The following NME8 variants were observed in gnomAD, a reference collection of about 807,000 sequenced individuals.
NME8 encodes the protein NME/NM23 family member 8, also known as protein NME8.
A neutral mutation model predicts 82.3 loss-of-function variants in NME8; 72 were observed. The ratio of observed to expected loss-of-function variants is 0.87; its 90% CI spans 0.72 to 1.06. The LOEUF (loss-of-function observed/expected upper bound fraction) is 1.06, where lower values mean the gene tolerates loss of function less well. Ranked by LOEUF, NME8 falls within the 50% of genes least tolerant of loss-of-function variation. The pLI is 0.00. For synonymous variants in NME8, 267 were observed against 228.5 expected (o/e 1.17, Z -1.52); for missense variants, 712 against 685.4 (o/e 1.04, Z -0.43).
intron 14 of NME8, among the ~76,000 whole-genome samples, chr7:37,885,659 G>A (rs1348615053): frequency 1.3e-5 from 2 of 152,126 alleles, no homozygotes; most frequent in Non-Finnish European, 2.9e-5. Context: ...AATTCAGGGG[G>A]AACATTTATT....
chr7:37,850,888 C>G (rs1469596479), intron 5 of NME8, among the ~76,000 whole-genome samples, 153 bp downstream of exon 5: 1 of 152,050 alleles, frequency 6.6e-6, no homozygotes, highest in Non-Finnish European at 1.5e-5. Context: ...ATATTTAATT[C>G]TACTAGATCT....
At chr7:37,879,571 C>A (rs1784911252) in intron 12 of NME8, among the ~76,000 whole-genome samples, 1 of 152,170 alleles carries the variant, frequency 6.6e-6, no homozygotes, top group African/African-American at 2.4e-5. Context: ...TGTATGTATG[C>A]AACTAAGTTT....
chr7:37,875,690 C>G (rs946316649), intron 11 of NME8, among the ~76,000 whole-genome samples: 4 of 150,806 alleles, frequency 2.7e-5, no homozygotes, highest in Non-Finnish European at 4.4e-5. Flanking sequence ...AGTATTAACA[C>G]TGATCATTAA....
Position 37,885,619 on chromosome 7 carries a change from C to A in NME8, c.1247+367C>A, listed in dbSNP as rs559549637. 3.9e-5 allele frequency among the ~76,000 whole-genome samples: 6 copies of A among 152,264 alleles called. No homozygotes were observed. In the South Asian group the frequency reaches 1.0e-3, roughly 26 times the overall value. ...CTTTAACTGATCATGAGTTTTAAGA[C>A]AATGATGACTAATTGAATATGTACT... On this transcript the variant is annotated intron_variant, in intron 14 of 17. Coordinates refer to ENST00000199447, the MANE Select transcript of NME8 (RefSeq NM_016616.5).
rs2598033 is a variant in NME8, at chr7:37,857,594, T to C, written c.270+249T>C. Among the ~76,000 whole-genome samples the C allele has an allele frequency of 0.24, 36,626 of 152,114 alleles. 4,409 individuals are homozygous for C. Among genetic ancestry groups the C allele is most frequent in the Middle Eastern group, 0.27 (78 of 294 alleles). ...AAAGTAAGATGGCGTTTATCTTTAC[T>C]AAGGAAATGATCGGAGATTTGCACA... On this transcript the variant is annotated intron_variant, in intron 6 of 17. Coordinates refer to ENST00000199447, the MANE Select transcript of NME8 (RefSeq NM_016616.5).
At chr7:37,868,183 G>T (rs1784719036) in intron 11 of NME8, among the ~76,000 whole-genome samples, 1 of 152,178 alleles carries the variant, frequency 6.6e-6, no homozygotes, top group East Asian at 1.9e-4. Flanking sequence ...AAAGAGCACT[G>T]CAGAAGAGTG....
At chr7:37,893,107 C>T (rs1785157275) in intron 15 of NME8, among the ~76,000 whole-genome samples, 1 of 152,006 alleles carries the variant, frequency 6.6e-6, no homozygotes, top group South Asian at 2.1e-4. Flanking sequence ...AGGGCCTTTG[C>T]AGGGGGTGAA....
chr7:37,896,941 C>T lies in NME8; in HGVS notation c.1616C>T (p.Thr539Ile), dbSNP rs749036569. The T allele has an allele frequency of 3.7e-6, 6 of 1,613,838 alleles. No individual in the cohort carries two copies. The highest frequency in any genetic ancestry group is 2.2e-5 in the East Asian group (1 of 44,856). The change falls in exon 17 of 18, where the codon ACA becomes ATA. Residue 539 changes from threonine (T) to isoleucine (I), a missense_variant. Thr to Ile is a moderately conservative substitution (Grantham distance 89). Coordinates refer to ENST00000199447, the MANE Select transcript of NME8 (RefSeq NM_016616.5). ...GAATGGAGACGATTGATGGGCCCAA[C>T]AGACCCAGAAGAAGCAAAATTACTT... is the stretch of plus-strand genomic sequence containing the variant. Reference protein sequence around the residue: ...VAEWRRLMGPTDPEEAKLLSP... With the variant: ...VAEWRRLMGPIDPEEAKLLSP...
At chr7:37,885,105 A>G (rs1338048338) in intron 13 of NME8, 40 bp from the exon 14 acceptor site, 1 of 1,311,592 alleles carries the variant, frequency 7.6e-7, no homozygotes. Context: ...CTACTGAGCT[A>G]CACTTCTTAT....
chr7:37,855,733 C>T (rs983002214), intron 5 of NME8, among the ~76,000 whole-genome samples: 3 of 152,110 alleles, frequency 2.0e-5, no homozygotes, highest in Non-Finnish European at 4.4e-5. Flanking sequence ...TTAGATCCCT[C>T]GCTTACTTTT....
rs775252032 is a variant in NME8, at chr7:37,876,958, A to G, written c.945A>G (p.Leu315=). Residue 315 remains leucine, a synonymous_variant, in exon 12 of 18, where the codon TTA becomes TTG. Coordinates refer to ENST00000199447, the MANE Select transcript of NME8 (RefSeq NM_016616.5). ...PDFKKMKSMK[L]EKTLALLRPN... is the part of the protein sequence containing the mutation. ...TTAAAAAAATGAAAAGCATGAAATT[A>G]GAAAAGACATTGGCATTACTTCGAC... 1.2e-6 allele frequency: 2 copies of G among 1,613,392 alleles called. No individual in the cohort carries two copies. Among genetic ancestry groups the G allele is most frequent in the South Asian group, 1.1e-5 (1 of 91,070 alleles).
At chr7:37,874,081 A>G (rs1383591961) in intron 11 of NME8, among the ~76,000 whole-genome samples, 2 of 152,206 alleles carry the variant, frequency 1.3e-5, no homozygotes, top group African/African-American at 4.8e-5. Context: ...CTTCAAGGAC[A>G]TACTTAGCAA....
At position 37,868,971 on chromosome 7, in the gene NME8, G is replaced by A. The variant is rs143035198; in HGVS notation, c.818+1073G>A. ...GAGAGTGTAACAAAGCAGTTGTCAG[G>A]CTGCACCGGAAAGAAAGTCAGGTGA... On this transcript the variant is annotated intron_variant, in intron 11 of 17. Transcript: ENST00000199447. Among the ~76,000 whole-genome samples, 322 of 152,284 alleles carry A rather than the reference G, an allele frequency of 2.1e-3. 2 individuals are homozygous for A. Among genetic ancestry groups the A allele is most frequent in the African/African-American group, 7.4e-3 (309 of 41,540 alleles).
At position 37,867,873 on chromosome 7, in the gene NME8, G is replaced by T. The variant is rs191578224; in HGVS notation, c.793G>T (p.Gly265Ter). Residue 265 changes from glycine to a stop codon, truncating the protein, a stop_gained, in exon 11 of 18, where the codon GGA (glycine) becomes TGA (stop). Transcript: ENST00000199447. LOFTEE classifies it high-confidence loss of function. ...QPEVEAQVTP[G>*]MMKNKQDSLQ... ...TGAGGTCGAAGCCCAGGTTACACCT[G>T]GAATGATGAAGAACAAACAAGACAG... 56 of 1,613,698 alleles carry T rather than the reference G, an allele frequency of 3.5e-5. 1 individual carries two copies. The East Asian group carries it at 1.2e-3, about 34-fold the overall frequency.
At chr7:37,892,917 C>G (rs1398209501) in intron 15 of NME8, among the ~76,000 whole-genome samples, 1 of 151,830 alleles carries the variant, frequency 6.6e-6, no homozygotes, top group Admixed American at 6.6e-5. Context: ...TCCTCTTTCT[C>G]TTTCTTTTAT....
intron 12 of NME8, 112 bp downstream of exon 12, chr7:37,877,119 G>A (rs930985723): frequency 1.2e-5 from 10 of 851,344 alleles, no homozygotes; most frequent in East Asian, 5.3e-5. Flanking sequence ...TGAAGAAAAC[G>A]CACCTTAAGA....
intron 16 of NME8, among the ~76,000 whole-genome samples, chr7:37,894,811 C>A (rs1236941278): frequency 6.6e-6 from 1 of 151,950 alleles, no homozygotes; most frequent in Non-Finnish European, 1.5e-5. Flanking sequence ...TTCTGTCTCT[C>A]CTCGCTCCCT....
chr7:37,869,239 G>A (rs943153133), intron 11 of NME8, among the ~76,000 whole-genome samples: 2 of 152,102 alleles, frequency 1.3e-5, no homozygotes, highest in Non-Finnish European at 1.5e-5. Flanking sequence ...GTTGTACGCA[G>A]GATAAAGGAA....
chr7:37,873,983 G>T (rs1784810818), intron 11 of NME8, among the ~76,000 whole-genome samples: 1 of 152,134 alleles, frequency 6.6e-6, no homozygotes, highest in Admixed American at 6.6e-5. Flanking sequence ...CTGCCATAGG[G>T]CTCATTTTAG....
Sources: allele counts gnomAD v4.1 joint callset (sites outside exome capture counted in the v4.1 genomes callset), GRCh38; gene constraint gnomAD v4.1.1; transcripts MANE v1.5; gene names NCBI Gene and HGNC (gene_info 2026-07-23, HGNC 2026-07-21).